Variants in SYT1 observed in about 807,000 individuals in gnomAD.
SYT1 encodes synaptotagmin-1.
In SYT1, 8 loss-of-function variants were observed where a neutral mutation model predicts 44.8. That is an observed-to-expected ratio of 0.18 (90% CI 0.10 to 0.32). The LOEUF is 0.32. SYT1 is among the 10% of genes least tolerant of loss of function. SYT1 has a pLI of 1.00. For synonymous variants in SYT1, 154 were observed against 188.8 expected (o/e 0.82, Z 1.51); for missense variants, 286 against 509.3 (o/e 0.56, Z 4.22).
chr12:79,407,513 G>A (rs987074446), intron 9 of SYT1, among the ~76,000 whole-genome samples: 6 of 152,036 alleles, frequency 3.9e-5, no homozygotes, highest in African/African-American at 1.4e-4. Flanking sequence ...TTTGAGACCT[G>A]GGATAGTTGT....
chr12:79,196,149 CTGTTGTTGT>C lies in SYT1; in HGVS notation c.-17-21324_-17-21316del, dbSNP rs58474358. Among the ~76,000 whole-genome samples the C allele has an allele frequency of 2.5e-4, 30 of 118,794 alleles. 1 individual carries two copies. The South Asian group carries it at 3.8e-3, about 15-fold the overall frequency. 77.9% of individuals were successfully genotyped at this position (118,794 alleles called of 152,430 possible). A position where few individuals can be genotyped will look rare whatever the true frequency, so the allele number is the denominator to read the frequency against. On this transcript the variant is annotated intron_variant, in intron 3 of 10. Transcript: ENST00000261205. ...CATGGAGCTATGTACATTTCTAATT[CTGTTGTTGT>C]TGTTGTTGTTGTTGTTGTTGTTGTT...
Position 79,438,691 on chromosome 12 carries a change from AAAATAG to A in SYT1, c.929-5381_929-5376del, listed in dbSNP as rs1455296211. On this transcript the variant is annotated intron_variant, in intron 9 of 10. Transcript: ENST00000261205. ...AACAAGGTCTATATCCTCTTCCTTG[AAAATAG>A]CTAGTGAGACCAAAGTAGTCATCTG... is the stretch of plus-strand genomic sequence containing the variant. Among the ~76,000 whole-genome samples the A allele has an allele frequency of 5.1e-4, 77 of 152,316 alleles. 1 individual carries two copies. Among genetic ancestry groups the A allele is most frequent in the Admixed American group, 9.8e-4 (15 of 15,308 alleles).
At chr12:79,415,244 G>A (rs1036781675) in intron 9 of SYT1, among the ~76,000 whole-genome samples, 5 of 152,152 alleles carry the variant, frequency 3.3e-5, no homozygotes, top group Admixed American at 3.3e-4. Context: ...AGTGTTGCAT[G>A]TGCATCCTTT....
chr12:79,028,833 A>C (rs1224000527), intron 2 of SYT1, among the ~76,000 whole-genome samples: 3 of 151,308 alleles, frequency 2.0e-5, no homozygotes, highest in Non-Finnish European at 4.4e-5. Flanking sequence ...TAAAAACTTC[A>C]CTTTACCCAT....
At chr12:78,970,394 G>A (rs1428759000) in intron 1 of SYT1, among the ~76,000 whole-genome samples, 1 of 152,138 alleles carries the variant, frequency 6.6e-6, no homozygotes, top group Non-Finnish European at 1.5e-5. Context: ...GGTAAAGACA[G>A]TTGCCTAAAT....
intron 8 of SYT1, among the ~76,000 whole-genome samples, chr12:79,317,045 A>G (rs1462940064): frequency 6.6e-6 from 1 of 152,216 alleles, no homozygotes; most frequent in Non-Finnish European, 1.5e-5. Flanking sequence ...GGTCTGTCCA[A>G]TGCCAAATGA....
At chr12:79,253,247 C>A (rs1023917460) in intron 4 of SYT1, among the ~76,000 whole-genome samples, 1 of 152,126 alleles carries the variant, frequency 6.6e-6, no homozygotes, top group African/African-American at 2.4e-5. Flanking sequence ...CTGTGTCAAG[C>A]AAATCAATGC....
At chr12:79,143,210 T>C (rs112501914) in intron 3 of SYT1, among the ~76,000 whole-genome samples, 41 of 149,956 alleles carry the variant, frequency 2.7e-4, no homozygotes, top group African/African-American at 9.9e-4. Flanking sequence ...ACAATGGTAC[T>C]AGTAAGCATC....
At position 79,011,618 on chromosome 12, in the gene SYT1, T is replaced by C. The variant is rs181096393; in HGVS notation, c.-84+33687T>C. Among the ~76,000 whole-genome samples the C allele has an allele frequency of 2.9e-3, 387 of 133,744 alleles. 2 individuals are homozygous for C. Among genetic ancestry groups the C allele is most frequent in the African/African-American group, 0.011 (376 of 35,446 alleles). The allele number at this position is 133,744 out of a possible 152,430, so 87.7% of individuals were successfully genotyped here. On this transcript the variant is annotated intron_variant, in intron 2 of 10. Transcript: ENST00000261205. ...AACTAGGGAAGAATTTTTAAAACAA[T>C]AGCTGCCAATTTTGCTCTTAACATT...
At chr12:79,279,230 T>C (rs367627341) in intron 4 of SYT1, among the ~76,000 whole-genome samples, 97 of 152,008 alleles carry the variant, frequency 6.4e-4, no homozygotes, top group African/African-American at 2.3e-3. Flanking sequence ...CTGATGAACA[T>C]AGATGCAAAA....
intron 1 of SYT1, among the ~76,000 whole-genome samples, chr12:78,969,424 G>A (rs1448127148): frequency 1.3e-5 from 2 of 152,160 alleles, no homozygotes; most frequent in African/African-American, 2.4e-5. Context: ...CAGAGGAGGT[G>A]GAGGGAAGAG....
rs537820896 is a variant in SYT1 at position 79,381,163 on chromosome 12, A to G, written c.928+27544A>G. On this transcript the variant is annotated intron_variant, in intron 9 of 10. Transcript: ENST00000261205. ...TTGAAACATTGGCAACGAATGGCCTACTATATTATTATGCTGAATTCCCTG... is the reference window on the plus strand; with the variant it reads ...TTGAAACATTGGCAACGAATGGCCTGCTATATTATTATGCTGAATTCCCTG... Among the ~76,000 whole-genome samples the G allele has an allele frequency of 1.6e-4, 25 of 152,314 alleles. No homozygotes were observed. In the South Asian group the frequency reaches 5.2e-3, roughly 32 times the overall value.
intron 1 of SYT1, among the ~76,000 whole-genome samples, chr12:78,963,453 C>T (rs1180688709): frequency 6.6e-6 from 1 of 151,944 alleles, no homozygotes; most frequent in South Asian, 2.1e-4. Flanking sequence ...GGAACTCCTA[C>T]AAATCAATAG....
chr12:79,447,598 A>C (rs562265460), intron 10 of SYT1, among the ~76,000 whole-genome samples: 1 of 152,130 alleles, frequency 6.6e-6, no homozygotes, highest in African/African-American at 2.4e-5. Context: ...CCCCCACCCC[A>C]TTCATTACAA....
At chr12:79,434,738 A>G (rs1215155590) in intron 9 of SYT1, among the ~76,000 whole-genome samples, 7 of 152,178 alleles carry the variant, frequency 4.6e-5, no homozygotes, top group African/African-American at 2.4e-5. Flanking sequence ...CTCTCTGCAA[A>G]TAAGTGCAGG....
intron 6 of SYT1, 56 bp downstream of exon 6, chr12:79,292,186 A>G: frequency 1.9e-6 from 3 of 1,574,340 alleles, no homozygotes; most frequent in Non-Finnish European, 2.6e-6. Flanking sequence ...ATTACCAAGT[A>G]GAAATTGCAG....
At chr12:79,174,194 T>A (rs1683376874) in intron 3 of SYT1, among the ~76,000 whole-genome samples, 1 of 152,100 alleles carries the variant, frequency 6.6e-6, no homozygotes, top group Non-Finnish European at 1.5e-5. Flanking sequence ...CACTGGATGC[T>A]GAAATCACTA....
chr12:79,436,144 G>A (rs1870076396), intron 9 of SYT1, among the ~76,000 whole-genome samples: 1 of 152,076 alleles, frequency 6.6e-6, no homozygotes, highest in Admixed American at 6.6e-5. Context: ...CCACACAGCT[G>A]TACTTTTGAA....
chr12:79,008,191 T>A (rs1406355524), intron 2 of SYT1, among the ~76,000 whole-genome samples: 1 of 151,900 alleles, frequency 6.6e-6, no homozygotes, highest in Non-Finnish European at 1.5e-5. Context: ...ACCTAAAGAA[T>A]AACAACCATC....
Sources: allele counts gnomAD v4.1 joint callset (sites outside exome capture counted in the v4.1 genomes callset), GRCh38; gene constraint gnomAD v4.1.1; transcripts MANE v1.5; gene names NCBI Gene and HGNC (gene_info 2026-07-23, HGNC 2026-07-21).